ELMOD1: variants seen among roughly 807,000 people sequenced by gnomAD.
ELMOD1 encodes the protein ELMO domain-containing protein 1.
A neutral mutation model predicts 46.7 loss-of-function variants in ELMOD1; 21 were observed. The observed-to-expected ratio is 0.45, with a 90% CI of 0.32 to 0.65. The LOEUF (loss-of-function observed/expected upper bound fraction) is 0.65, where lower values mean the gene tolerates loss of function less well. Among genes scored for constraint, ELMOD1 ranks in the 30% least tolerant of loss-of-function variants. ELMOD1 has a pLI of 0.04. For missense variants in ELMOD1, 348 were observed against 407.8 expected, an observed-to-expected ratio of 0.85 and a Z score of 1.26; for synonymous variants, 122 against 138.2, an observed-to-expected ratio of 0.88 and a Z score of 0.82.
At chr11:107,659,343 G>A (rs1866689223) in intron 11 of ELMOD1, among the ~76,000 whole-genome samples, 1 of 152,258 alleles carries the variant, frequency 6.6e-6, no homozygotes, top group East Asian at 1.9e-4. Flanking sequence ...GGAAGGTAGA[G>A]TGAGTTTAGT....
chr11:107,611,157 C>T (rs1473115128), intron 1 of ELMOD1, among the ~76,000 whole-genome samples: 1 of 152,118 alleles, frequency 6.6e-6, no homozygotes, highest in Admixed American at 6.6e-5. Flanking sequence ...AAGAAACTAT[C>T]AACAGAGTAA....
intron 9 of ELMOD1, among the ~76,000 whole-genome samples, chr11:107,653,215 A>G (rs188463862): frequency 3.3e-5 from 5 of 152,170 alleles, no homozygotes; most frequent in Non-Finnish European, 7.4e-5. Context: ...GCCTCCTTCT[A>G]TTGGCTGTAT....
intron 1 of ELMOD1, among the ~76,000 whole-genome samples, chr11:107,610,369 A>G (rs565775171): frequency 1.8e-4 from 28 of 152,300 alleles, no homozygotes; most frequent in African/African-American, 6.0e-4. Flanking sequence ...AATTACACAA[A>G]TAAAACGTCA....
At chr11:107,642,034 TC>T (rs1866332900) in intron 6 of ELMOD1, among the ~76,000 whole-genome samples, 1 of 141,612 alleles carries the variant, frequency 7.1e-6, no homozygotes, top group Non-Finnish European at 1.5e-5. Context: ...AACCTCTGCC[TC>T]CCGGGTTCAA....
intron 1 of ELMOD1, among the ~76,000 whole-genome samples, chr11:107,605,931 G>A (rs571960365): frequency 1.3e-4 from 20 of 152,122 alleles, no homozygotes; most frequent in Non-Finnish European, 2.2e-4. Flanking sequence ...GTAATTTTTC[G>A]TGTCGCTTCT....
intron 11 of ELMOD1, among the ~76,000 whole-genome samples, chr11:107,662,298 C>T (rs1866753299): frequency 6.6e-6 from 1 of 152,108 alleles, no homozygotes; most frequent in African/African-American, 2.4e-5. Flanking sequence ...TGCAAGCCAC[C>T]ATAGCTAGCT....
intron 1 of ELMOD1, chr11:107,592,238 G>T (rs1279364281): frequency 7.2e-5 from 23 of 319,110 alleles, no homozygotes; most frequent in Non-Finnish European, 1.2e-5. Context: ...TTCAGATCAA[G>T]TTTAATGAAT....
At chr11:107,636,131 T>C (rs1307525022) in intron 6 of ELMOD1, among the ~76,000 whole-genome samples, 1 of 152,250 alleles carries the variant, frequency 6.6e-6, no homozygotes, top group African/African-American at 2.4e-5. Context: ...TTACGACTTT[T>C]AATACACATC....
chr11:107,643,454 A>C (rs1866361560), intron 6 of ELMOD1: 1 of 300,558 alleles, frequency 3.3e-6, no homozygotes, highest in Non-Finnish European at 6.9e-6. Context: ...ATTCCTTTAT[A>C]CTAACCCTGC....
chr11:107,645,570 C>A, intron 6 of ELMOD1, among the ~76,000 whole-genome samples: 1 of 152,098 alleles, frequency 6.6e-6, no homozygotes, highest in East Asian at 1.9e-4. Flanking sequence ...AGTTACCCAC[C>A]TTTCCTGGCT....
At chr11:107,639,210 T>C (rs569623106) in intron 6 of ELMOD1, among the ~76,000 whole-genome samples, 1 of 152,264 alleles carries the variant, frequency 6.6e-6, no homozygotes, top group Admixed American at 6.5e-5. Context: ...TGCTGATCCC[T>C]AGTTTCTAAG....
Position 107,665,139 on chromosome 11 carries a change from A to G in ELMOD1, c.947A>G (p.Asn316Ser). The change falls in exon 12 of 12, where the codon AAC becomes AGC. Residue 316 changes from asparagine to serine, a missense_variant. Physicochemically the swap from Asn to Ser is conservative, Grantham distance 46. Transcript: ENST00000265840. The stretch of plus-strand genomic sequence containing the variant: ...AAGAGGATCATCAAACAGCTGCAGA[A>G]CCCAGACATGGCGCTGTGCCCACAT... ...FRKRIIKQLQ[N>S]PDMALCPHFA... 1 of 1,613,974 alleles carries G rather than the reference A, an allele frequency of 6.2e-7. No individual in the cohort carries two copies. Among genetic ancestry groups the G allele is most frequent in the East Asian group, 2.2e-5 (1 of 44,878 alleles).
At chr11:107,631,510 C>G in intron 4 of ELMOD1, 70 bp from the exon 5 acceptor site, 1 of 829,368 alleles carries the variant, frequency 1.2e-6, no homozygotes, top group South Asian at 2.8e-5. Context: ...TTTGAAGCCT[C>G]TATCCCAGTA....
chr11:107,650,311 G>A (rs1272214659), intron 7 of ELMOD1, 24 bp from the exon 8 acceptor site: 10 of 1,539,212 alleles, frequency 6.5e-6, no homozygotes, highest in East Asian at 2.4e-5. Context: ...ATAGAGTTAC[G>A]GTTTTCTTTC....
chr11:107,647,508 G>T lies in ELMOD1; in HGVS notation c.461G>T (p.Arg154Leu), dbSNP rs774564700. 5.6e-6 allele frequency: 9 copies of T among 1,613,034 alleles called. No homozygotes were observed. The Admixed American group carries it at 1.5e-4, about 27-fold the overall frequency. Residue 154 changes from arginine (R) to leucine (L), a missense_variant, in exon 7 of 12, where the codon CGG becomes CTG. Coordinates refer to ENST00000265840, the MANE Select transcript of ELMOD1 (RefSeq NM_018712.4). ...FLKPNTPLES[R>L]ISKQWCEIGF... Reference sequence around the variant, plus strand: ...AAGCCCAATACTCCACTGGAATCTCGGATTTCTAAGCAGTGGTGTGAAATT... The same window carrying T: ...AAGCCCAATACTCCACTGGAATCTCTGATTTCTAAGCAGTGGTGTGAAATT...
intron 1 of ELMOD1, among the ~76,000 whole-genome samples, chr11:107,602,389 G>A (rs1044939928): frequency 2.0e-5 from 3 of 152,040 alleles, no homozygotes; most frequent in African/African-American, 7.2e-5. Context: ...AGAGTTTCCT[G>A]TATTATTTCT....
chr11:107,626,614 T>C (rs987653285), intron 2 of ELMOD1, among the ~76,000 whole-genome samples: 1 of 124,430 alleles, frequency 8.0e-6, no homozygotes, highest in Admixed American at 8.1e-5. Context: ...TCTTTCCTTC[T>C]TTCTTTCTTT....
intron 9 of ELMOD1, among the ~76,000 whole-genome samples, chr11:107,651,188 C>T (rs1225345634): frequency 6.6e-6 from 1 of 152,190 alleles, no homozygotes; most frequent in Admixed American, 6.5e-5. Flanking sequence ...AACACCTCAC[C>T]ACACCTGTTC....
intron 1 of ELMOD1, chr11:107,592,552 C>T: frequency 2.6e-6 from 1 of 384,726 alleles, no homozygotes. Flanking sequence ...CCTATTATGA[C>T]AACACGTAGT....
Sources: gnomAD v4.1 joint callset for allele counts (sites outside exome capture counted in the v4.1 genomes callset) on GRCh38, gnomAD v4.1.1 for gene constraint, MANE v1.5 for transcripts, NCBI Gene and HGNC (gene_info 2026-07-23, HGNC 2026-07-21) for gene names.